AKR1C8: variants seen among roughly 807,000 people sequenced by gnomAD.
AKR1C8 encodes the protein aldo-keto reductase family 1 member C-like protein 1.
chr10:5,121,219 CCA>C, the AKR1C8 span, among the ~76,000 whole-genome samples: 1 of 152,110 alleles, frequency 6.6e-6, no homozygotes, highest in Middle Eastern at 3.2e-3. Context: ...TGAGATCCTG[CCA>C]CAGTTAATCC....
the AKR1C8 span, among the ~76,000 whole-genome samples, chr10:5,140,891 C>G: frequency 6.6e-6 from 1 of 152,040 alleles, no homozygotes; most frequent in Non-Finnish European, 1.5e-5. Context: ...GCTGACTGAT[C>G]AGGGTCATGG....
the AKR1C8 span, among the ~76,000 whole-genome samples, chr10:5,178,188 C>T: frequency 1.3e-5 from 2 of 152,100 alleles, no homozygotes; most frequent in Non-Finnish European, 2.9e-5. Flanking sequence ...TGTCTTTGTT[C>T]TCATTGGTTT....
the AKR1C8 span, among the ~76,000 whole-genome samples, chr10:5,125,390 T>C: frequency 6.6e-6 from 1 of 152,126 alleles, no homozygotes; most frequent in Non-Finnish European, 1.5e-5. Flanking sequence ...CTACCCACCC[T>C]GGTAGCTTAA....
At chr10:5,148,985 A>C in the AKR1C8 span, among the ~76,000 whole-genome samples, 1 of 152,148 alleles carries the variant, frequency 6.6e-6, no homozygotes, top group Non-Finnish European at 1.5e-5. Flanking sequence ...TACAACAAGA[A>C]AAGGAAAGGA....
At chr10:5,173,218 T>C in the AKR1C8 span, among the ~76,000 whole-genome samples, 1 of 152,166 alleles carries the variant, frequency 6.6e-6, no homozygotes, top group Non-Finnish European at 1.5e-5. Context: ...AAAAAAAACC[T>C]TTTCTAGGAA....
chr10:5,156,554 A>ATCTATCTATCTATCTATCT, the AKR1C8 span, among the ~76,000 whole-genome samples: 1 of 151,756 alleles, frequency 6.6e-6, no homozygotes, highest in South Asian at 2.1e-4. Context: ...CTATCTATCT[A>ATCTATCTATCTATCTATCT]ATGTATTTAT....
At chr10:5,139,992 G>T in the AKR1C8 span, among the ~76,000 whole-genome samples, 1 of 152,264 alleles carries the variant, frequency 6.6e-6, no homozygotes, top group Admixed American at 6.5e-5. Context: ...CAAAGGACAT[G>T]AATAGACACT....
the AKR1C8 span, among the ~76,000 whole-genome samples, chr10:5,167,524 T>A: frequency 1.3e-5 from 2 of 152,180 alleles, no homozygotes; most frequent in Admixed American, 6.5e-5. Flanking sequence ...CTCAGCAAAC[T>A]ATCGCAAGGA....
the AKR1C8 span, among the ~76,000 whole-genome samples, chr10:5,149,836 C>T: frequency 2.6e-5 from 4 of 151,564 alleles, no homozygotes; most frequent in African/African-American, 4.9e-5. Context: ...CTCACAAATA[C>T]GTTTCAAATT....
chr10:5,161,079 G>A, the AKR1C8 span, among the ~76,000 whole-genome samples: 1 of 152,242 alleles, frequency 6.6e-6, no homozygotes, highest in East Asian at 1.9e-4. Context: ...GGGTATGTGT[G>A]TAAATGTGTT....
the AKR1C8 span, chr10:5,132,537 G>C: frequency 7.6e-7 from 1 of 1,311,304 alleles, no homozygotes; most frequent in Non-Finnish European, 1.0e-6. Flanking sequence ...TCCAGTTACA[G>C]AATTGTCATC....
chr10:5,122,528 C>T, the AKR1C8 span, among the ~76,000 whole-genome samples: 1 of 152,152 alleles, frequency 6.6e-6, no homozygotes, highest in Non-Finnish European at 1.5e-5. Context: ...GCTCTTGTTT[C>T]CCCACTTCCC....
the AKR1C8 span, chr10:5,157,584 C>T: frequency 2.6e-3 from 1,160 of 441,532 alleles, 5 homozygotes; most frequent in African/African-American, 0.021. Context: ...AGAGAGATCG[C>T]CCAGATCAGC....
At chr10:5,184,597 C>T in the AKR1C8 span, among the ~76,000 whole-genome samples, 1 of 152,028 alleles carries the variant, frequency 6.6e-6, no homozygotes, top group East Asian at 1.9e-4. Context: ...GTGGCTCTGA[C>T]CAGAGCAAAA....
the AKR1C8 span, among the ~76,000 whole-genome samples, chr10:5,158,269 T>C: frequency 2.0e-5 from 3 of 152,226 alleles, no homozygotes; most frequent in African/African-American, 7.2e-5. Context: ...AACAAGTTTG[T>C]ATACCACATT....
chr10:5,151,557 G>GTT, the AKR1C8 span, among the ~76,000 whole-genome samples: 8,584 of 132,592 alleles, frequency 0.065, 654 homozygotes, highest in African/African-American at 0.17. Flanking sequence ...TTCCCTTTGG[G>GTT]TTTTTTTTTT....
At chr10:5,173,161 C>T in the AKR1C8 span, among the ~76,000 whole-genome samples, 64 of 152,016 alleles carry the variant, frequency 4.2e-4, 1 homozygote, top group Non-Finnish European at 6.2e-4. Flanking sequence ...TATGCATGCA[C>T]TAAGAGTGGC....
chr10:5,134,274 C>T, the AKR1C8 span, among the ~76,000 whole-genome samples: 1 of 152,120 alleles, frequency 6.6e-6, no homozygotes, highest in Non-Finnish European at 1.5e-5. Flanking sequence ...ATTTTCATTA[C>T]AAAGTAAACC....
At chr10:5,144,504 G>A in the AKR1C8 span, among the ~76,000 whole-genome samples, 1 of 151,288 alleles carries the variant, frequency 6.6e-6, no homozygotes, top group Non-Finnish European at 1.5e-5. Context: ...TCCTACCCAT[G>A]AGCATGGAAT....
Sources: gnomAD v4.1 joint callset for allele counts (sites outside exome capture counted in the v4.1 genomes callset) on GRCh38, gnomAD v4.1.1 for gene constraint, MANE v1.5 for transcripts, NCBI Gene and HGNC (gene_info 2026-07-23, HGNC 2026-07-21) for gene names.